The following TEX14 variants were observed in gnomAD, a reference collection of about 807,000 sequenced individuals.
TEX14 encodes the protein inactive serine/threonine-protein kinase TEX14.
Under a neutral mutation model 178.6 loss-of-function variants are expected in TEX14, and 168 were observed. That is an observed-to-expected ratio of 0.94 (90% CI 0.83 to 1.07). The LOEUF (loss-of-function observed/expected upper bound fraction) is 1.07, where lower values mean the gene tolerates loss of function less well. Ranked by LOEUF, TEX14 falls within the 50% of genes least tolerant of loss-of-function variation. TEX14 has a pLI of 0.00. For missense variants in TEX14, 1,730 were observed against 1,753.6 expected, an observed-to-expected ratio of 0.99 and a Z score of 0.24; for synonymous variants, 626 against 634.1, an observed-to-expected ratio of 0.99 and a Z score of 0.19.
At chr17:58,662,259 G>C (rs1219243381) in intron 1 of TEX14, among the ~76,000 whole-genome samples, 1 of 151,818 alleles carries the variant, frequency 6.6e-6, no homozygotes, top group African/African-American at 2.4e-5. Flanking sequence ...GACCATCCTG[G>C]CTAACACGGT....
At chr17:58,634,614 A>C (rs1234371650) in intron 2 of TEX14, among the ~76,000 whole-genome samples, 5 of 152,082 alleles carry the variant, frequency 3.3e-5, no homozygotes, top group Non-Finnish European at 7.4e-5. Flanking sequence ...TGCCTTGTTC[A>C]CTTATCTGCC....
At chr17:58,585,464 G>A (rs1027535257) in intron 18 of TEX14, among the ~76,000 whole-genome samples, 5 of 151,884 alleles carry the variant, frequency 3.3e-5, no homozygotes, top group Non-Finnish European at 7.4e-5. Context: ...TTTATTTTGA[G>A]ACAGGGTCTC....
chr17:58,565,938 C>T lies in TEX14; in HGVS notation c.3887-114G>A, dbSNP rs539004473. 46 of 788,416 alleles carry T rather than the reference C, an allele frequency of 5.8e-5. No homozygotes were observed. In the African/African-American group the frequency reaches 6.5e-4, roughly 11 times the overall value. The allele number at this position is 788,416 out of a possible 1,614,324, so 48.8% of individuals were successfully genotyped here. A position where few individuals can be genotyped will look rare whatever the true frequency, so the allele number is the denominator to read the frequency against. On this transcript the variant is annotated intron_variant, in intron 26 of 31. Coordinates refer to ENST00000349033, the MANE Select transcript of TEX14 (RefSeq NM_031272.5). Reference sequence around the variant, plus strand: ...TTAGACTTGCAGCATTAACATAACCCGGGAACTCGTTAGGAATGCAAATTC... The same window carrying T: ...TTAGACTTGCAGCATTAACATAACCTGGGAACTCGTTAGGAATGCAAATTC...
At chr17:58,583,220 C>T (rs1481831783) in intron 19 of TEX14, among the ~76,000 whole-genome samples, 1 of 151,850 alleles carries the variant, frequency 6.6e-6, no homozygotes, top group African/African-American at 2.4e-5. Flanking sequence ...GCAGCCTCAA[C>T]CTCCCCAGAC....
chr17:58,646,378 G>GT (rs1354672157), intron 2 of TEX14, among the ~76,000 whole-genome samples: 2 of 152,276 alleles, frequency 1.3e-5, no homozygotes, highest in African/African-American at 4.8e-5. Context: ...TCCCTTGCCA[G>GT]TTTCATCTCA....
At chr17:58,673,024 G>A (rs1309792845) in intron 1 of TEX14, among the ~76,000 whole-genome samples, 1 of 151,730 alleles carries the variant, frequency 6.6e-6, no homozygotes, top group African/African-American at 2.4e-5. Context: ...GAGCCACCAC[G>A]CTCAGCCGGC....
At chr17:58,559,350 A>G in intron 30 of TEX14, 103 bp downstream of exon 30, 1 of 608,562 alleles carries the variant, frequency 1.6e-6, no homozygotes, top group East Asian at 2.8e-5. Flanking sequence ...TATCAAAGGT[A>G]GGAGGATTAT....
At position 58,614,350 on chromosome 17, in the gene TEX14, TGTA is replaced by T. The variant is rs545779067; in HGVS notation, c.882-809_882-807del. ...ACTGAAAATACAAAAGTTAGCCAGG[TGTA>T]GTGGCGCACGCCAGTAGTCCCAGCT... On this transcript the variant is annotated intron_variant, in intron 8 of 31. Coordinates refer to ENST00000349033, the MANE Select transcript of TEX14 (RefSeq NM_031272.5). Among the ~76,000 whole-genome samples, 669 of 152,110 alleles carry T rather than the reference TGTA, an allele frequency of 4.4e-3. 3 individuals are homozygous for T. The highest frequency in any genetic ancestry group is 0.015 in the African/African-American group (637 of 41,496).
chr17:58,634,491 C>T (rs1032032061), intron 2 of TEX14, among the ~76,000 whole-genome samples: 1 of 152,166 alleles, frequency 6.6e-6, no homozygotes, highest in Non-Finnish European at 1.5e-5. Context: ...ACATGTCTTA[C>T]TGCTCAGGGC....
At chr17:58,594,406 A>G (rs1452806737) in intron 14 of TEX14, among the ~76,000 whole-genome samples, 1 of 149,874 alleles carries the variant, frequency 6.7e-6, no homozygotes, top group African/African-American at 2.5e-5. Flanking sequence ...ACTGGAGTGC[A>G]GTAGCCTGGT....
intron 15 of TEX14, among the ~76,000 whole-genome samples, chr17:58,590,298 G>A (rs2045099070): frequency 6.7e-6 from 1 of 148,692 alleles, no homozygotes; most frequent in Non-Finnish European, 1.5e-5. Context: ...CTGAGATTGC[G>A]CCACTGCAAG....
intron 10 of TEX14, among the ~76,000 whole-genome samples, chr17:58,610,530 T>A (rs944816465): frequency 6.6e-6 from 1 of 152,178 alleles, no homozygotes; most frequent in Non-Finnish European, 1.5e-5. Flanking sequence ...GGGAACACTG[T>A]CCCTGCCTCC....
At chr17:58,633,901 G>A (rs1379873000) in intron 2 of TEX14, among the ~76,000 whole-genome samples, 1 of 150,754 alleles carries the variant, frequency 6.6e-6, no homozygotes, top group Non-Finnish European at 1.5e-5. Context: ...CCGGGAGGCA[G>A]AGGTTGCAGT....
chr17:58,573,355 A>C, intron 22 of TEX14, 47 bp from the exon 23 acceptor site: 1 of 1,581,992 alleles, frequency 6.3e-7, no homozygotes, highest in Non-Finnish European at 8.6e-7. Flanking sequence ...TGACTAGAAA[A>C]ATCAAACAAT....
At position 58,577,461 on chromosome 17, in the gene TEX14, A is replaced by G. The variant is rs2044705908; in HGVS notation, c.3239-5T>C. The stretch of plus-strand genomic sequence containing the variant: ...TCATTTGGAACTTTTCCTCACCTGA[A>G]AGAATAAAGTTAAAAATATATATAT... On this transcript the variant is annotated splice_polypyrimidine_tract_variant and splice_region_variant and intron_variant, in intron 20 of 31. Transcript: ENST00000349033. 9.3e-6 allele frequency: 12 copies of G among 1,296,948 alleles called. No homozygotes were observed. The East Asian group carries it at 2.9e-4, about 32-fold the overall frequency. The allele number at this position is 1,296,948 out of a possible 1,614,324, so 80.3% of individuals were successfully genotyped here.
intron 2 of TEX14, among the ~76,000 whole-genome samples, chr17:58,642,921 G>A (rs2046608364): frequency 6.6e-6 from 1 of 152,124 alleles, no homozygotes; most frequent in Non-Finnish European, 1.5e-5. Context: ...ACCACTATGA[G>A]TTTTGTGTCC....
At chr17:58,587,859 G>A (rs371980078) in intron 16 of TEX14, 37 bp downstream of exon 16, 136 of 613,134 alleles carry the variant, frequency 2.2e-4, no homozygotes, top group African/African-American at 4.8e-4. Context: ...CCCCACCCCC[G>A]CTCCACCACC....
At chr17:58,576,219 C>T (rs954513632) in intron 21 of TEX14, among the ~76,000 whole-genome samples, 1 of 152,256 alleles carries the variant, frequency 6.6e-6, no homozygotes, top group African/African-American at 2.4e-5. Flanking sequence ...AATGCGGTGG[C>T]TCACGCCTGT....
At chr17:58,590,044 C>T (rs1226814643) in intron 15 of TEX14, among the ~76,000 whole-genome samples, 1 of 152,032 alleles carries the variant, frequency 6.6e-6, no homozygotes, top group Non-Finnish European at 1.5e-5. Context: ...GGGCAGATCA[C>T]AAAGTCAAGA....
Sources: gnomAD v4.1 joint callset for allele counts (sites outside exome capture counted in the v4.1 genomes callset) on GRCh38, gnomAD v4.1.1 for gene constraint, MANE v1.5 for transcripts, NCBI Gene and HGNC (gene_info 2026-07-23, HGNC 2026-07-21) for gene names.